SMARCA2: variants seen among roughly 807,000 people sequenced by gnomAD.
The protein encoded by SMARCA2 is SWI/SNF related BAF chromatin remodeling complex subunit ATPase 2, also known as SWI/SNF-related matrix-associated actin-dependent regulator of chromatin subfamily A member 2.
In SMARCA2, 61 loss-of-function variants were observed where a neutral mutation model predicts 199.8. That is an observed-to-expected ratio of 0.31 (90% confidence interval 0.25 to 0.38). SMARCA2 has a LOEUF of 0.38. SMARCA2 is among the 10% of genes least tolerant of loss of function. SMARCA2 has a pLI of 1.00. For synonymous variants in SMARCA2, 935 were observed against 732.0 expected, an observed-to-expected ratio of 1.28 and a Z score of -4.48; for missense variants, 1,344 against 2,012.2, an observed-to-expected ratio of 0.67 and a Z score of 6.35.
At chr9:2,175,807 T>A (rs1315899953) in intron 29 of SMARCA2, among the ~76,000 whole-genome samples, 1 of 152,222 alleles carries the variant, frequency 6.6e-6, no homozygotes, top group East Asian at 1.9e-4. Flanking sequence ...AATGCCTTTT[T>A]TAAATCCTTG....
At chr9:2,020,711 G>C (rs1048379823) in intron 1 of SMARCA2, among the ~76,000 whole-genome samples, 3 of 152,152 alleles carry the variant, frequency 2.0e-5, no homozygotes, top group Non-Finnish European at 4.4e-5. Flanking sequence ...ATGTTAAAGA[G>C]AGCTTTTAAG....
intron 19 of SMARCA2, among the ~76,000 whole-genome samples, chr9:2,089,665 G>C (rs557214953): frequency 6.5e-4 from 99 of 152,232 alleles, no homozygotes; most frequent in Non-Finnish European, 9.0e-4. Context: ...TATTCTGCTG[G>C]TGAATGCATC....
At chr9:2,136,208 G>T (rs543436264) in intron 27 of SMARCA2, among the ~76,000 whole-genome samples, 6 of 129,814 alleles carry the variant, frequency 4.6e-5, no homozygotes, top group East Asian at 2.3e-4. Flanking sequence ...TTTTTTTTAA[G>T]ATACAGTTTC....
At chr9:2,046,448 GA>G (rs200195222) in intron 4 of SMARCA2, among the ~76,000 whole-genome samples, 23 of 152,244 alleles carry the variant, frequency 1.5e-4, no homozygotes, top group Non-Finnish European at 2.8e-4. Context: ...GGAATGAGCA[GA>G]TTTTTTTTGG....
chr9:2,081,752 T>G, intron 14 of SMARCA2, 80 bp from the exon 15 acceptor site: 1 of 1,327,204 alleles, frequency 7.5e-7, no homozygotes. Flanking sequence ...AGTTAAGAAG[T>G]CACACCCTCA....
intron 2 of SMARCA2, chr9:2,032,404 C>G (rs1180681186): frequency 6.6e-6 from 1 of 152,450 alleles, no homozygotes; most frequent in African/African-American, 2.4e-5. Context: ...ACAGCTTTAT[C>G]TATTGCACAC....
chr9:2,073,293 G>C lies in SMARCA2; in HGVS notation c.1828G>C (p.Glu610Gln), dbSNP rs1445270162. Residue 610 changes from glutamate (E) to glutamine (Q), a missense_variant, in exon 11 of 34, where the codon GAA (glutamate) becomes CAA (glutamine). Coordinates refer to ENST00000349721, the MANE Select transcript of SMARCA2 (RefSeq NM_003070.5). The stretch of plus-strand genomic sequence containing the variant: ...AACCGGCAAGGTTCTGTTCGGACCA[G>C]AAGCACCCAAAGCAAGTCAGCTGGA... ...TETGKVLFGP[E>Q]APKASQLDAW... 3.1e-6 allele frequency: 5 copies of C among 1,614,216 alleles called. No individual in the cohort carries two copies. Among genetic ancestry groups the C allele is most frequent in the Non-Finnish European group, 4.2e-6 (5 of 1,180,042 alleles).
rs913278039 is a variant in SMARCA2, at chr9:2,039,381, T to C, written c.356-85T>C. On this transcript the variant is annotated intron_variant, in intron 3 of 33. Coordinates refer to ENST00000349721, the MANE Select transcript of SMARCA2 (RefSeq NM_003070.5). The surrounding 1 kb of genome is among the most constrained non-coding windows in gnomAD (Gnocchi z 4.8). ...AAATTTCTGTCAGACAGTGTTGCTG[T>C]GGACAATTATTAGAGTATTCAGGGA... The C allele has an allele frequency of 4.2e-5, 55 of 1,303,896 alleles. No homozygotes were observed. In the African/African-American group the frequency reaches 4.9e-4, roughly 12 times the overall value. 80.8% of individuals were successfully genotyped at this position (1,303,896 alleles called of 1,614,324 possible).
intron 33 of SMARCA2, 126 bp downstream of exon 33, chr9:2,191,534 G>T: frequency 9.6e-7 from 1 of 1,046,656 alleles, no homozygotes; most frequent in South Asian, 1.5e-5. Flanking sequence ...AGGATTTAGT[G>T]AGATTTCATT....
Position 2,029,169 on chromosome 9 carries a change from A to G in SMARCA2, c.147A>G (p.Gly49=). ...SVHSMMGPSP[G]PPSVSHPMPT... The stretch of plus-strand genomic sequence containing the variant: ...ACAGCATGATGGGGCCAAGTCCTGG[A>G]CCTCCAAGTGTCTCCCATCCTATGC... The change falls in exon 2 of 34, where the codon GGA becomes GGG. Residue 49 remains glycine (G), a synonymous_variant. Coordinates refer to ENST00000349721, the MANE Select transcript of SMARCA2 (RefSeq NM_003070.5). 1 of 1,613,288 alleles carries G rather than the reference A, an allele frequency of 6.2e-7. No individual in the cohort carries two copies. The highest frequency in any genetic ancestry group is 8.5e-7 in the Non-Finnish European group (1 of 1,179,704).
rs1180311335 is a variant in SMARCA2 at position 2,060,899 on chromosome 9, G to A, written c.1605G>A (p.Glu535=). The A allele has an allele frequency of 6.2e-7, 1 of 1,614,148 alleles. No homozygotes were observed. The highest frequency in any genetic ancestry group is 2.2e-5 in the East Asian group (1 of 44,888). The change falls in exon 9 of 34, where the codon GAG becomes GAA. Residue 535 remains glutamate, a synonymous_variant. Coordinates refer to ENST00000349721, the MANE Select transcript of SMARCA2 (RefSeq NM_003070.5). ...CTTACCTTTTGCAGCAGACCGATGA[G>A]TATGTAGCCAATCTGACCAATCTGG... is the stretch of plus-strand genomic sequence containing the variant. ...RLAYLLQQTD[E]YVANLTNLVW... is the part of the protein sequence containing the mutation.
intron 1 of SMARCA2, among the ~76,000 whole-genome samples, chr9:2,025,729 C>T (rs1468992667): frequency 6.6e-6 from 1 of 152,180 alleles, no homozygotes; most frequent in Non-Finnish European, 1.5e-5. Context: ...GCACCTCTTT[C>T]TAATTTATTT....
rs185012883 is a variant in SMARCA2 at position 2,062,160 on chromosome 9, T to C, written c.1692+1174T>C. 2.4e-3 allele frequency among the ~76,000 whole-genome samples: 360 copies of C among 152,314 alleles called. 3 individuals are homozygous for C. Among genetic ancestry groups the C allele is most frequent in the African/African-American group, 8.4e-3 (349 of 41,558 alleles). On this transcript the variant is annotated intron_variant, in intron 9 of 33. Coordinates refer to ENST00000349721, the MANE Select transcript of SMARCA2 (RefSeq NM_003070.5). ...ATAAATGTAGTTATTACCACTGAAC[T>C]GTAGACTTAAGAATGGTAAAGGTGG...
intron 29 of SMARCA2, among the ~76,000 whole-genome samples, chr9:2,176,071 A>G (rs1826568803): frequency 6.6e-6 from 1 of 150,744 alleles, no homozygotes; most frequent in South Asian, 2.1e-4. Context: ...GGTAAAGATG[A>G]GGTTTCTCCA....
intron 27 of SMARCA2, among the ~76,000 whole-genome samples, chr9:2,156,920 G>GA (rs1825395908): frequency 6.6e-6 from 1 of 152,066 alleles, no homozygotes; most frequent in Admixed American, 6.5e-5. Context: ...TCTCATCTCT[G>GA]AAATCATACA....
At chr9:2,087,635 ATTG>A (rs1172185168) in intron 18 of SMARCA2, among the ~76,000 whole-genome samples, 1 of 151,130 alleles carries the variant, frequency 6.6e-6, no homozygotes, top group Non-Finnish European at 1.5e-5. Flanking sequence ...CCAATTTCTT[ATTG>A]TTCCTTCCAC....
intron 5 of SMARCA2, among the ~76,000 whole-genome samples, chr9:2,050,932 G>T (rs955803589): frequency 1.3e-5 from 2 of 152,196 alleles, no homozygotes; most frequent in African/African-American, 4.8e-5. Flanking sequence ...TGAAAAACCT[G>T]TGTGACCTAA....
chr9:2,059,519 A>T (rs895834099), intron 8 of SMARCA2, among the ~76,000 whole-genome samples: 1 of 152,208 alleles, frequency 6.6e-6, no homozygotes, highest in Non-Finnish European at 1.5e-5. Context: ...GTCTGACTCA[A>T]CTGAAGTGAA....
rs1249842059 is a variant in SMARCA2, at chr9:2,166,636, G to GT, written c.4200-3782dup. Among the ~76,000 whole-genome samples the GT allele has an allele frequency of 3.9e-5, 6 of 152,198 alleles. No individual in the cohort carries two copies. The East Asian group carries it at 1.2e-3, about 29-fold the overall frequency. On this transcript the variant is annotated intron_variant, in intron 28 of 33. Transcript: ENST00000349721. ...CAAAAATTATGTTTACTATGTTTAT[G>GT]TATCTAAGTTTTTTCATCCAAAGAT... is the stretch of plus-strand genomic sequence containing the variant.
Sources: gnomAD v4.1 joint callset for allele counts (sites outside exome capture counted in the v4.1 genomes callset) on GRCh38, gnomAD v4.1.1 for gene constraint, Gnocchi (gnomAD v3.1) non-coding constraint, MANE v1.5 for transcripts, NCBI Gene and HGNC (gene_info 2026-07-23, HGNC 2026-07-21) for gene names.